DLGAP2: variants seen among roughly 807,000 people sequenced by gnomAD.
DLGAP2 encodes DLG associated protein 2, also known as disks large-associated protein 2.
Under a neutral mutation model 100.3 loss-of-function variants are expected in DLGAP2, and 26 were observed. The ratio of observed to expected loss-of-function variants is 0.26; its 90% CI spans 0.19 to 0.36. The LOEUF (loss-of-function observed/expected upper bound fraction) is 0.36, where lower values mean the gene tolerates loss of function less well. DLGAP2 is among the 10% of genes least tolerant of loss of function. The pLI, the probability that DLGAP2 is intolerant of heterozygous loss-of-function variation, is 1.00. For synonymous variants in DLGAP2, 886 were observed against 630.1 expected (o/e 1.41, Z -6.08); for missense variants, 1,858 against 1,453.2 (o/e 1.28, Z -4.53).
chr8:1,027,947 G>A (rs1488708373), intron 2 of DLGAP2, among the ~76,000 whole-genome samples: 3 of 145,074 alleles, frequency 2.1e-5, no homozygotes, highest in African/African-American at 5.2e-5. Flanking sequence ...CTCCAGGTGC[G>A]GTGCCAGGCG....
rs186982928 is a variant in DLGAP2, at chr8:1,445,730, T to G, written c.107-55636T>G. ...AACAGTGTAAAAGTGTTCCTATTTC[T>G]CCACATCCTCTCCAGCACCTGTTGT... On this transcript the variant is annotated intron_variant, in intron 3 of 14. Coordinates refer to ENST00000637795, the MANE Select transcript of DLGAP2 (RefSeq NM_001346810.2). 1.7e-3 allele frequency among the ~76,000 whole-genome samples: 252 copies of G among 152,282 alleles called. 2 individuals carry two copies. Among genetic ancestry groups the G allele is most frequent in the African/African-American group, 5.8e-3 (239 of 41,554 alleles).
chr8:1,602,960 G>C (rs1458665515), intron 6 of DLGAP2, among the ~76,000 whole-genome samples: 1 of 152,254 alleles, frequency 6.6e-6, no homozygotes, highest in Non-Finnish European at 1.5e-5. Context: ...AGGGTGGAAG[G>C]CTGGCTCTCA....
At chr8:1,608,637 T>G (rs1178179599) in intron 6 of DLGAP2, among the ~76,000 whole-genome samples, 1 of 132,694 alleles carries the variant, frequency 7.5e-6, no homozygotes, top group Non-Finnish European at 1.6e-5. Context: ...AGTGGAAAAC[T>G]TTGAAAAAAA....
At chr8:976,034 T>C (rs1426245648) in intron 2 of DLGAP2, among the ~76,000 whole-genome samples, 1 of 152,156 alleles carries the variant, frequency 6.6e-6, no homozygotes, top group East Asian at 1.9e-4. Context: ...AAGTCAGTTA[T>C]TTTCCTATAC....
chr8:1,185,772 A>G (rs1797490585), intron 2 of DLGAP2, among the ~76,000 whole-genome samples: 2 of 151,846 alleles, frequency 1.3e-5, no homozygotes, highest in African/African-American at 4.8e-5. Context: ...AGATCCAGTC[A>G]GCAGTGCAGT....
intron 1 of DLGAP2, among the ~76,000 whole-genome samples, chr8:843,787 A>T (rs1174544965): frequency 6.6e-6 from 1 of 152,212 alleles, no homozygotes; most frequent in Non-Finnish European, 1.5e-5. Flanking sequence ...TTTAAAAAGA[A>T]AGCCTTAGAC....
chr8:1,254,669 G>C (rs927780577), intron 2 of DLGAP2, among the ~76,000 whole-genome samples: 1 of 150,678 alleles, frequency 6.6e-6, no homozygotes, highest in Non-Finnish European at 1.5e-5. Flanking sequence ...GTATGACTCA[G>C]TGGTGTCTTT....
intron 2 of DLGAP2, among the ~76,000 whole-genome samples, chr8:1,075,342 G>A (rs1027485151): frequency 6.6e-6 from 1 of 152,134 alleles, no homozygotes; most frequent in Non-Finnish European, 1.5e-5. Flanking sequence ...GTGCATTGTG[G>A]GGTGCTGGAA....
rs1799575723 is a variant in DLGAP2 at position 1,701,667 on chromosome 8, G to A, written c.*261G>A. On this transcript the variant is annotated 3_prime_UTR_variant, in exon 15 of 15. Transcript: ENST00000637795. ...CACTTGGCTCTGAGGGACAGGTGTG[G>A]CGAGACCTGATTTCTCCTGCGTGTT... 2.0e-6 allele frequency: 1 copy of A among 506,492 alleles called. No individual in the cohort carries two copies. Among genetic ancestry groups the A allele is most frequent in the Admixed American group, 3.8e-5 (1 of 26,498 alleles). 31.4% of individuals were successfully genotyped at this position (506,492 alleles called of 1,614,324 possible).
rs1801653394 is a variant in DLGAP2, at chr8:1,548,923, C to G, written c.470C>G (p.Ser157Cys). The G allele has an allele frequency of 1.3e-6, 2 of 1,598,188 alleles. No homozygotes were observed. Among genetic ancestry groups the G allele is most frequent in the Non-Finnish European group, 1.7e-6 (2 of 1,179,076 alleles). ...MMPVVLGDHV[S>C]SSTFPRMHYS... is the part of the protein sequence containing the mutation. Reference sequence around the variant, plus strand: ...CCGGTGGTGCTGGGCGACCACGTGTCCAGCAGCACCTTCCCGCGGATGCAC... The same window carrying G: ...CCGGTGGTGCTGGGCGACCACGTGTGCAGCAGCACCTTCCCGCGGATGCAC... The change falls in exon 5 of 15, where the codon TCC (serine) becomes TGC (cysteine). Residue 157 changes from serine to cysteine, a missense_variant. Coordinates refer to ENST00000637795, the MANE Select transcript of DLGAP2 (RefSeq NM_001346810.2).
At chr8:1,686,196 T>G (rs1289837397) in intron 12 of DLGAP2, among the ~76,000 whole-genome samples, 1 of 152,004 alleles carries the variant, frequency 6.6e-6, no homozygotes, top group East Asian at 1.9e-4. Flanking sequence ...GAAAAATGGA[T>G]AAAGAAAATG....
chr8:949,643 C>T (rs1405565917), intron 2 of DLGAP2, among the ~76,000 whole-genome samples: 1 of 152,228 alleles, frequency 6.6e-6, no homozygotes, highest in African/African-American at 2.4e-5. Flanking sequence ...CACTCTTTTT[C>T]TGGCAGGTCC....
chr8:1,418,130 C>A (rs756147549), intron 3 of DLGAP2, among the ~76,000 whole-genome samples: 2 of 152,228 alleles, frequency 1.3e-5, no homozygotes, highest in Non-Finnish European at 2.9e-5. Context: ...TCCAGCCATA[C>A]AGTGTGGCCT....
intron 2 of DLGAP2, among the ~76,000 whole-genome samples, chr8:1,220,379 G>A (rs953947492): frequency 6.6e-6 from 1 of 152,072 alleles, no homozygotes; most frequent in African/African-American, 2.4e-5. Flanking sequence ...TAATTCAAGA[G>A]GAAGCTGTTT....
intron 1 of DLGAP2, among the ~76,000 whole-genome samples, chr8:763,821 C>T (rs1821146067): frequency 6.6e-6 from 1 of 152,274 alleles, no homozygotes; most frequent in Middle Eastern, 3.4e-3. Flanking sequence ...ATGAGGCAAA[C>T]GATGAAATAG....
chr8:1,674,997 G>A (rs942162983), intron 10 of DLGAP2, among the ~76,000 whole-genome samples: 3 of 152,204 alleles, frequency 2.0e-5, no homozygotes, highest in Non-Finnish European at 4.4e-5. Flanking sequence ...CACTAGAAAC[G>A]GGAATGGTAA....
intron 2 of DLGAP2, among the ~76,000 whole-genome samples, chr8:1,046,773 T>C (rs1802527492): frequency 6.6e-6 from 1 of 152,166 alleles, no homozygotes; most frequent in Non-Finnish European, 1.5e-5. Flanking sequence ...ACAGAGATGC[T>C]TGTGGAATGA....
chr8:1,291,932 G>C (rs958001990), intron 3 of DLGAP2, among the ~76,000 whole-genome samples: 2 of 152,136 alleles, frequency 1.3e-5, no homozygotes, highest in Non-Finnish European at 2.9e-5. Context: ...ACTCTCAAAA[G>C]ACTCTTAATC....
rs892753803 is a variant in DLGAP2, at chr8:882,250, G to A, written c.19-25662G>A. ...AGCACATCATCAGAGATCTGCGGAG[G>A]CCTCTCCTGCGGGCACCCGTGCCTG... is the stretch of plus-strand genomic sequence containing the variant. On this transcript the variant is annotated intron_variant, in intron 1 of 14. Transcript: ENST00000637795. Among the ~76,000 whole-genome samples the A allele has an allele frequency of 2.6e-5, 4 of 152,148 alleles. No homozygotes were observed. In the East Asian group the frequency reaches 7.7e-4, roughly 29 times the overall value.
Sources: allele counts gnomAD v4.1 joint callset (sites outside exome capture counted in the v4.1 genomes callset), GRCh38; gene constraint gnomAD v4.1.1; transcripts MANE v1.5; gene names NCBI Gene and HGNC (gene_info 2026-07-23, HGNC 2026-07-21).